Variants in ST6GAL1 observed in about 807,000 individuals in gnomAD.
ST6GAL1 encodes beta-galactoside alpha-2,6-sialyltransferase 1.
ST6GAL1 carries 20 observed loss-of-function variants against 38.0 expected under a neutral mutation model. That is an observed-to-expected ratio of 0.53 (90% CI 0.37 to 0.77). The LOEUF (loss-of-function observed/expected upper bound fraction) is 0.77. Among genes scored for constraint, ST6GAL1 ranks in the 30% least tolerant of loss-of-function variants. The probability of loss-of-function intolerance (pLI) is 0.00; values close to 1 mark genes in which losing one functional copy is unlikely to be tolerated. For missense variants in ST6GAL1, 432 were observed against 496.4 expected, an observed-to-expected ratio of 0.87 and a Z score of 1.23; for synonymous variants, 196 against 188.2, an observed-to-expected ratio of 1.04 and a Z score of -0.34.
chr3:187,044,337 C>T (rs973716868), intron 4 of ST6GAL1, among the ~76,000 whole-genome samples: 4 of 152,170 alleles, frequency 2.6e-5, no homozygotes, highest in African/African-American at 9.7e-5. Flanking sequence ...TGAGGTCATA[C>T]GTCTCCTTTT....
At chr3:186,968,313 G>A (rs1715222453) in intron 2 of ST6GAL1, among the ~76,000 whole-genome samples, 1 of 152,172 alleles carries the variant, frequency 6.6e-6, no homozygotes, top group South Asian at 2.1e-4. Flanking sequence ...TCCCCACAAA[G>A]TAGATGCCTA....
chr3:187,072,715 TG>T, intron 5 of ST6GAL1, 133 bp from the exon 6 acceptor site: 1 of 781,916 alleles, frequency 1.3e-6, no homozygotes, highest in South Asian at 1.4e-5. Context: ...CGAAGTTAAG[TG>T]CTGCACCAGA....
chr3:187,062,605 C>A (rs928385031), intron 5 of ST6GAL1, among the ~76,000 whole-genome samples: 2 of 149,990 alleles, frequency 1.3e-5, no homozygotes, highest in African/African-American at 5.0e-5. Context: ...CACACACACA[C>A]AAAATACTAT....
At chr3:187,003,169 AAAACCAAACC>A (rs148580052) in intron 2 of ST6GAL1, among the ~76,000 whole-genome samples, 1 of 151,700 alleles carries the variant, frequency 6.6e-6, no homozygotes. Flanking sequence ...AAAAAACCCC[AAAACCAAACC>A]AAACCAAAAC....
intron 1 of ST6GAL1, among the ~76,000 whole-genome samples, chr3:186,943,102 A>C (rs1267202404): frequency 6.6e-6 from 1 of 152,226 alleles, no homozygotes; most frequent in African/African-American, 2.4e-5. Flanking sequence ...ATTACAATAT[A>C]GTGTGATAAA....
At chr3:186,961,340 C>G (rs1714929873) in intron 1 of ST6GAL1, among the ~76,000 whole-genome samples, 2 of 152,184 alleles carry the variant, frequency 1.3e-5, no homozygotes, top group Non-Finnish European at 2.9e-5. Flanking sequence ...TCCCTTCACT[C>G]TAGGGTCTAC....
intron 1 of ST6GAL1, among the ~76,000 whole-genome samples, chr3:186,961,678 G>A (rs1176908370): frequency 6.6e-6 from 1 of 152,170 alleles, no homozygotes; most frequent in Non-Finnish European, 1.5e-5. Flanking sequence ...AGCTGGAAAG[G>A]GGCATGAGAC....
intron 1 of ST6GAL1, among the ~76,000 whole-genome samples, chr3:186,945,610 T>A (rs1026365590): frequency 6.6e-5 from 10 of 152,088 alleles, no homozygotes; most frequent in Admixed American, 6.5e-4. Context: ...AGGAACAGAA[T>A]GTGAGGAAGT....
intron 2 of ST6GAL1, among the ~76,000 whole-genome samples, chr3:186,979,779 G>A (rs1715633911): frequency 6.6e-6 from 1 of 152,128 alleles, no homozygotes; most frequent in South Asian, 2.1e-4. Flanking sequence ...TGCTGTGTAG[G>A]TGCTTAATGC....
chr3:187,013,956 A>C (rs1207170761), intron 2 of ST6GAL1, among the ~76,000 whole-genome samples: 1 of 151,950 alleles, frequency 6.6e-6, no homozygotes, highest in African/African-American at 2.4e-5. Context: ...GATTCATGAC[A>C]CTCCGGAAAA....
intron 2 of ST6GAL1, among the ~76,000 whole-genome samples, chr3:186,983,257 G>A (rs1360514266): frequency 6.6e-6 from 1 of 152,162 alleles, no homozygotes; most frequent in Admixed American, 6.5e-5. Flanking sequence ...TTATTACTTG[G>A]CAGTTGAAAT....
intron 2 of ST6GAL1, among the ~76,000 whole-genome samples, chr3:187,008,471 T>C (rs747446767): frequency 6.6e-6 from 1 of 152,136 alleles, no homozygotes; most frequent in Non-Finnish European, 1.5e-5. Flanking sequence ...AAACCCCGTC[T>C]TTAGAATGCT....
chr3:187,008,514 T>G (rs920608507), intron 2 of ST6GAL1, among the ~76,000 whole-genome samples: 1 of 152,148 alleles, frequency 6.6e-6, no homozygotes, highest in Non-Finnish European at 1.5e-5. Context: ...CCCAGAATTT[T>G]ATATCCAGAA....
At chr3:187,066,686 GAGA>G (rs912552436) in intron 5 of ST6GAL1, among the ~76,000 whole-genome samples, 1 of 151,964 alleles carries the variant, frequency 6.6e-6, no homozygotes, top group Non-Finnish European at 1.5e-5. Flanking sequence ...CTTTCTAACT[GAGA>G]AGGTTACTTT....
chr3:187,043,077 C>A lies in ST6GAL1; in HGVS notation c.374C>A (p.Ser125Tyr). Residue 125 changes from serine to tyrosine, a missense_variant, in exon 4 of 8, where the codon TCC (serine) becomes TAC (tyrosine). Physicochemically the swap from Ser to Tyr is moderately radical, Grantham distance 144. Coordinates refer to ENST00000169298, the MANE Select transcript of ST6GAL1 (RefSeq NM_173216.2). ...CTAAGCATGAACAAGTACAAAGTGTCCTACAAGGGGCCAGGACCAGGCATC... is the reference window on the plus strand; with the variant it reads ...CTAAGCATGAACAAGTACAAAGTGTACTACAAGGGGCCAGGACCAGGCATC... The part of the protein sequence containing the change: ...NYLSMNKYKV[S>Y]YKGPGPGIKF... The A allele has an allele frequency of 6.2e-7, 1 of 1,614,190 alleles. No individual in the cohort carries two copies. The highest frequency in any genetic ancestry group is 8.5e-7 in the Non-Finnish European group (1 of 1,180,026).
At chr3:186,991,317 G>T (rs1387384909) in intron 2 of ST6GAL1, among the ~76,000 whole-genome samples, 1 of 152,084 alleles carries the variant, frequency 6.6e-6, no homozygotes. Context: ...TTCAGAGAAG[G>T]CTAGGATGGT....
At chr3:187,050,544 G>GAGAGAGAGAT (rs1553833082) in intron 4 of ST6GAL1, among the ~76,000 whole-genome samples, 4 of 145,832 alleles carry the variant, frequency 2.7e-5, no homozygotes, top group South Asian at 2.3e-4. Flanking sequence ...AAGAGAGAGA[G>GAGAGAGAGAT]AGAGAGAGAG....
Position 187,010,921 on chromosome 3 carries a change from C to A in ST6GAL1, c.-182-27821C>A, listed in dbSNP as rs925788736. 2.8e-4 allele frequency among the ~76,000 whole-genome samples: 43 copies of A among 152,284 alleles called. No individual in the cohort carries two copies. In the South Asian group the frequency reaches 8.7e-3, roughly 31 times the overall value. ...AATTGTTTTAACTAGACCCCCCTCC[C>A]CTTTCTAAACCAAAGTATAAAAGAA... On this transcript the variant is annotated intron_variant, in intron 2 of 7. Transcript: ENST00000169298.
chr3:187,059,191 C>T (rs771019839), intron 5 of ST6GAL1, among the ~76,000 whole-genome samples: 2 of 151,934 alleles, frequency 1.3e-5, no homozygotes, highest in Non-Finnish European at 2.9e-5. Context: ...AGTGCAGTGG[C>T]GTGATCATAG....
Sources: gnomAD v4.1 joint callset for allele counts (sites outside exome capture counted in the v4.1 genomes callset) on GRCh38, gnomAD v4.1.1 for gene constraint, MANE v1.5 for transcripts, NCBI Gene and HGNC (gene_info 2026-07-23, HGNC 2026-07-21) for gene names.